Variants in ABCF3 observed in about 807,000 individuals in gnomAD.
The protein encoded by ABCF3 is ATP binding cassette subfamily F member 3.
In ABCF3, 62 loss-of-function variants were observed where a neutral mutation model predicts 94.3. That is an observed-to-expected ratio of 0.66 (90% CI 0.54 to 0.81). The LOEUF (loss-of-function observed/expected upper bound fraction) is 0.81, where lower values mean the gene tolerates loss of function less well. Among genes scored for constraint, ABCF3 ranks in the 40% least tolerant of loss-of-function variants. The pLI is 0.00. For synonymous variants in ABCF3, 355 were observed against 361.1 expected (o/e 0.98, Z 0.19); for missense variants, 843 against 925.3 (o/e 0.91, Z 1.15).
intron 14 of ABCF3, 112 bp downstream of exon 14, chr3:184,190,043 C>A: frequency 9.1e-7 from 1 of 1,099,512 alleles, no homozygotes; most frequent in Non-Finnish European, 1.4e-6. Flanking sequence ...TAGAAGCCAA[C>A]TGTGACTTCC....
At chr3:184,192,730 C>A (rs1030281289) in intron 17 of ABCF3, 41 bp downstream of exon 17, 1 of 1,608,770 alleles carries the variant, frequency 6.2e-7, no homozygotes, top group Admixed American at 1.7e-5. Flanking sequence ...AGCACATTTG[C>A]AGGCACCCAT....
intron 14 of ABCF3, chr3:184,190,192 A>T: frequency 1.8e-6 from 1 of 547,186 alleles, no homozygotes; most frequent in South Asian, 2.1e-5. Flanking sequence ...ATGGAATCAT[A>T]CAATATGACC....
At position 184,186,431 on chromosome 3, in the gene ABCF3, CCT is replaced by C. The variant is rs1715622225; in HGVS notation, c.74-73_74-72del. 3 of 1,579,900 alleles carry C rather than the reference CCT, an allele frequency of 1.9e-6. No individual in the cohort carries two copies. In the East Asian group the frequency reaches 6.7e-5, roughly 35 times the overall value. On this transcript the variant is annotated intron_variant, in intron 1 of 20. Transcript: ENST00000429586. ...GTTGGGTCTGGAGCCTGGACTGGGG[CCT>C]CTGTCTGGGGTCTGAAACTGCTTGT...
intron 3 of ABCF3, 33 bp from the exon 4 acceptor site, chr3:184,187,364 G>T: frequency 6.2e-7 from 1 of 1,613,540 alleles, no homozygotes. Flanking sequence ...CTTCCCTCAG[G>T]GAGAAGGTGA....
chr3:184,188,563 T>C, intron 7 of ABCF3, 156 bp downstream of exon 7: 1 of 1,093,858 alleles, frequency 9.1e-7, no homozygotes, highest in African/African-American at 1.6e-5. Flanking sequence ...CTTTCCACAG[T>C]GCCCATTGCC....
At chr3:184,190,812 T>G (rs1390609098) in intron 14 of ABCF3, 187 bp from the exon 15 acceptor site, 1 of 678,500 alleles carries the variant, frequency 1.5e-6, no homozygotes, top group East Asian at 2.8e-5. Context: ...TAACTGGGGA[T>G]AAAAAGTCAC....
In ABCF3 at chr3:184,189,073, T is replaced by TC; in HGVS notation, c.978-13dup. On this transcript the variant is annotated splice_polypyrimidine_tract_variant and intron_variant, in intron 9 of 20. Coordinates refer to ENST00000429586, the MANE Select transcript of ABCF3 (RefSeq NM_018358.3). Reference sequence around the variant, plus strand: ...GATGAACACCCACCCATAATGTGACTCCATCATTCTTTAGGGAGTTCTCAG... The same window carrying TC: ...GATGAACACCCACCCATAATGTGACTCCCATCATTCTTTAGGGAGTTCTCAG... The TC allele has an allele frequency of 6.2e-7, 1 of 1,614,188 alleles. No individual in the cohort carries two copies. Among genetic ancestry groups the TC allele is most frequent in the East Asian group, 2.2e-5 (1 of 44,876 alleles).
In ABCF3 at chr3:184,193,859, T is replaced by G; in HGVS notation, c.*161T>G. The G allele has an allele frequency of 3.0e-6, 3 of 984,636 alleles. No individual in the cohort carries two copies. In the South Asian group the frequency reaches 5.3e-5, roughly 17 times the overall value. The allele number at this position is 984,636 out of a possible 1,614,324, so 61.0% of individuals were successfully genotyped here. A position where few individuals can be genotyped will look rare whatever the true frequency, so the allele number is the denominator to read the frequency against. On this transcript the variant is annotated 3_prime_UTR_variant, in exon 21 of 21. Coordinates refer to ENST00000429586, the MANE Select transcript of ABCF3 (RefSeq NM_018358.3). This position sits in a 1 kb window ranked among gnomAD's most constrained non-coding sequence, Gnocchi z 5.2. The stretch of plus-strand genomic sequence containing the variant: ...TGACTGGAGCATCTTCTGCACAACC[T>G]TGGGAGCCCATCCAAGGGTTGGTGA...
Position 184,193,345 on chromosome 3 carries a change from T to G in ABCF3, c.1884-20T>G. ...TCACCGCACCCCTTCACTGCCCACC[T>G]TCCTGGTTCTGCCTTCCAGCCCCAA... On this transcript the variant is annotated intron_variant, in intron 19 of 20. Coordinates refer to ENST00000429586, the MANE Select transcript of ABCF3 (RefSeq NM_018358.3). The surrounding 1 kb of genome is among the most constrained non-coding windows in gnomAD (Gnocchi z 5.2). The G allele has an allele frequency of 6.2e-7, 1 of 1,614,110 alleles. No homozygotes were observed.
chr3:184,189,061 C>G, intron 9 of ABCF3, 27 bp from the exon 10 acceptor site: 2 of 1,614,204 alleles, frequency 1.2e-6, no homozygotes, highest in Middle Eastern at 3.3e-4. Flanking sequence ...GAACACCCAC[C>G]CATAATGTGA....
At chr3:184,192,429 GA>G (rs1176768926) in intron 16 of ABCF3, among the ~76,000 whole-genome samples, 171 bp from the exon 17 acceptor site, 2 of 151,776 alleles carry the variant, frequency 1.3e-5, no homozygotes, top group African/African-American at 4.8e-5. Flanking sequence ...AACCTCTCCC[GA>G]ACCCCTCTCT....
In ABCF3 at chr3:184,186,493, C is replaced by A. The variant is rs1407188579; in HGVS notation, c.74-14C>A. 4 of 1,603,234 alleles carry A rather than the reference C, an allele frequency of 2.5e-6. No individual in the cohort carries two copies. The highest frequency in any genetic ancestry group is 3.4e-6 in the Non-Finnish European group (4 of 1,174,130). On this transcript the variant is annotated splice_polypyrimidine_tract_variant and intron_variant, in intron 1 of 20. Transcript: ENST00000429586. ...CTACCCGATACCTTCCTCGTTCTACCACGCCCTGCCCAGGCGTCTTGCACA... is the reference window on the plus strand; with the variant it reads ...CTACCCGATACCTTCCTCGTTCTACAACGCCCTGCCCAGGCGTCTTGCACA...
Position 184,186,215 on chromosome 3 carries a change from C to T in ABCF3, c.8C>T (p.Thr3Ile), listed in dbSNP as rs774059077. 1 of 1,614,196 alleles carries T rather than the reference C, an allele frequency of 6.2e-7. No individual in the cohort carries two copies. The highest frequency in any genetic ancestry group is 1.7e-5 in the Admixed American group (1 of 60,032). Residue 3 changes from threonine (T) to isoleucine (I), a missense_variant, in exon 1 of 21, where the codon ACT (threonine) becomes ATT (isoleucine). Coordinates refer to ENST00000429586, the MANE Select transcript of ABCF3 (RefSeq NM_018358.3). The part of the protein sequence containing the change: MA[T>I]CAEILRSEFP... The stretch of plus-strand genomic sequence containing the variant: ...CGGGTTCCTGAGTGGAACATGGCGA[C>T]TTGCGCCGAAATCCTGCGGAGCGAG...
intron 3 of ABCF3, 98 bp downstream of exon 3, chr3:184,186,973 C>T (rs1715667992): frequency 1.6e-6 from 2 of 1,266,776 alleles, no homozygotes; most frequent in Non-Finnish European, 2.2e-6. Context: ...GTCTTTTCCA[C>T]AGGACAAGGT....
intron 14 of ABCF3, 29 bp from the exon 15 acceptor site, chr3:184,190,970 A>G (rs1479202789): frequency 6.2e-7 from 1 of 1,612,538 alleles, no homozygotes; most frequent in Non-Finnish European, 8.5e-7. Flanking sequence ...TTAAGTAATA[A>G]ATCTAGTCTA....
intron 16 of ABCF3, 74 bp downstream of exon 16, chr3:184,191,329 C>A: frequency 1.9e-6 from 3 of 1,600,692 alleles, no homozygotes; most frequent in Non-Finnish European, 2.6e-6. Flanking sequence ...TGGCCCAGAT[C>A]CTCAGGCTGT....
rs61750939 is a variant in ABCF3, at chr3:184,191,214, C to T, written c.1528C>T (p.Arg510Cys). Residue 510 changes from arginine to cysteine, a missense_variant, in exon 16 of 21, where the codon CGC becomes TGC. By Grantham distance (180) the Arg-to-Cys change is radical. Transcript: ENST00000429586. ...YYDPKHVIFS[R>C]LSVSADLESR... is the part of the protein sequence containing the mutation. ...CGATCCGAAGCACGTCATCTTCAGT[C>T]GCCTCTCTGTGTCTGCTGATCTCGA... 137 of 1,614,038 alleles carry T rather than the reference C, an allele frequency of 8.5e-5. No homozygotes were observed. Among genetic ancestry groups the T allele is most frequent in the African/African-American group, 3.3e-4 (25 of 74,904 alleles).
At position 184,192,817 on chromosome 3, in the gene ABCF3, T is replaced by G. The variant is rs1368075299; in HGVS notation, c.1671T>G (p.Ile557Met). ...CTTCTGCCTGCAGGAATCTGAAGAT[T>G]GGCTATTTCAGCCAGCACCATGTGG... Reference protein sequence around the residue: ...GIRHAHRNLKIGYFSQHHVEQ... With the variant: ...GIRHAHRNLKMGYFSQHHVEQ... Residue 557 changes from isoleucine to methionine, a missense_variant, in exon 18 of 21, where the codon ATT (isoleucine) becomes ATG (methionine). By Grantham distance (10) the Ile-to-Met change is conservative (BLOSUM62 1). Transcript: ENST00000429586. 1.2e-6 allele frequency: 2 copies of G among 1,614,078 alleles called. No homozygotes were observed. Among genetic ancestry groups the G allele is most frequent in the East Asian group, 2.2e-5 (1 of 44,884 alleles).
At position 184,189,927 on chromosome 3, in the gene ABCF3, A is replaced by C. The variant is rs764120497; in HGVS notation, c.1387A>C (p.Lys463Gln). The C allele has an allele frequency of 3.1e-6, 5 of 1,614,186 alleles. No homozygotes were observed. The highest frequency in any genetic ancestry group is 4.2e-6 in the Non-Finnish European group (5 of 1,180,018). ...QVQSKLKMLEKLPELKPVDKE... is the reference protein window; with the variant it reads ...QVQSKLKMLEQLPELKPVDKE... ...GCAGAGTAAACTCAAGATGCTGGAG[A>C]AGCTGTGAGTACAGCATCCTTGGCC... is the stretch of plus-strand genomic sequence containing the variant. The change falls in exon 14 of 21, where the codon AAG becomes CAG. Residue 463 changes from lysine to glutamine, a missense_variant. Lys to Gln is a moderately conservative substitution (Grantham distance 53). Coordinates refer to ENST00000429586, the MANE Select transcript of ABCF3 (RefSeq NM_018358.3).
Sources: allele counts gnomAD v4.1 joint callset (sites outside exome capture counted in the v4.1 genomes callset), GRCh38; gene constraint gnomAD v4.1.1; non-coding constraint Gnocchi (gnomAD v3.1); transcripts MANE v1.5; gene names NCBI Gene and HGNC (gene_info 2026-07-23, HGNC 2026-07-21).